PLXNA4: variants seen among roughly 807,000 people sequenced by gnomAD.
The protein encoded by PLXNA4 is plexin-A4.
A neutral mutation model predicts 191.8 loss-of-function variants in PLXNA4; 44 were observed. The ratio of observed to expected loss-of-function variants is 0.23; its 90% CI spans 0.18 to 0.29. The LOEUF (loss-of-function observed/expected upper bound fraction) is 0.29. Among genes scored for constraint, PLXNA4 ranks in the 10% least tolerant of loss-of-function variants. The pLI is 1.00. For missense variants in PLXNA4, 1,800 were observed against 2,488.8 expected (o/e 0.72, Z 5.89); for synonymous variants, 1,082 against 1,009.5 (o/e 1.07, Z -1.36).
At chr7:132,288,789 A>G (rs1251085823) in intron 4 of PLXNA4, among the ~76,000 whole-genome samples, 1 of 152,162 alleles carries the variant, frequency 6.6e-6, no homozygotes, top group Non-Finnish European at 1.5e-5. Flanking sequence ...ACTCATTTTC[A>G]CAGGAGCCCA....
At position 132,150,597 on chromosome 7, in the gene PLXNA4, A is replaced by C. The variant is rs995365800; in HGVS notation, c.4661-1951T>G. Among the ~76,000 whole-genome samples, 5 of 152,220 alleles carry C rather than the reference A, an allele frequency of 3.3e-5. No homozygotes were observed. The South Asian group carries it at 1.0e-3, about 32-fold the overall frequency. The stretch of plus-strand genomic sequence containing the variant: ...GGATGCAATGAACTCAGCTCTGGAC[A>C]CTAAGTCCTCTGGCTGGGCCCAAGG... On this transcript the variant is annotated intron_variant, in intron 25 of 31. Coordinates refer to ENST00000321063, the MANE Select transcript of PLXNA4 (RefSeq NM_020911.2).
rs143106838 is a variant in PLXNA4, at chr7:132,510,371, C to T, written c.-86-1592G>A. The stretch of plus-strand genomic sequence containing the variant: ...CATCCTAATGAAAAGCACAGGCCTT[C>T]TCCAGTCAATATCAGAGGAGGAAGA... On this transcript the variant is annotated intron_variant, in intron 1 of 31. Transcript: ENST00000321063. Among the ~76,000 whole-genome samples the T allele has an allele frequency of 1.8e-3, 274 of 152,350 alleles. 2 individuals are homozygous for T. In the Middle Eastern group the frequency reaches 0.024, roughly 13 times the overall value.
intron 22 of PLXNA4, among the ~76,000 whole-genome samples, chr7:132,165,717 T>TAAA (rs1796102081): frequency 4.3e-5 from 3 of 69,360 alleles, no homozygotes; most frequent in Admixed American, 1.2e-4. Context: ...TTCTTTTGGG[T>TAAA]GAAAAAAAAA....
At chr7:132,251,759 C>T (rs886743095) in intron 4 of PLXNA4, among the ~76,000 whole-genome samples, 43 of 152,212 alleles carry the variant, frequency 2.8e-4, no homozygotes, top group African/African-American at 9.7e-4. Context: ...TTTGCACACA[C>T]CTATGGGGGG....
intron 3 of PLXNA4, among the ~76,000 whole-genome samples, chr7:132,453,610 C>T (rs1038285448): frequency 2.0e-5 from 3 of 151,950 alleles, no homozygotes; most frequent in South Asian, 2.1e-4. Context: ...GGCGCAATCT[C>T]GGCTCACTGC....
intron 4 of PLXNA4, among the ~76,000 whole-genome samples, chr7:132,241,967 T>C (rs1246321511): frequency 6.6e-6 from 1 of 152,224 alleles, no homozygotes. Context: ...TGCTCTTAAA[T>C]ATCTTTTGAA....
chr7:132,528,751 C>T (rs1799508508), intron 1 of PLXNA4, among the ~76,000 whole-genome samples: 1 of 152,222 alleles, frequency 6.6e-6, no homozygotes, highest in Admixed American at 6.5e-5. Context: ...AATGGCTGAA[C>T]AGAGAGAAGG....
At chr7:132,159,091 A>G (rs1369813381) in intron 25 of PLXNA4, among the ~76,000 whole-genome samples, 1 of 152,192 alleles carries the variant, frequency 6.6e-6, no homozygotes, top group African/African-American at 2.4e-5. Flanking sequence ...AGGCGGTGGC[A>G]GGACCTTGGG....
intron 4 of PLXNA4, among the ~76,000 whole-genome samples, chr7:132,256,867 G>A (rs1016587965): frequency 6.6e-6 from 1 of 152,162 alleles, no homozygotes; most frequent in Non-Finnish European, 1.5e-5. Flanking sequence ...CAGGTGGAAG[G>A]CTATGGGGGC....
chr7:132,166,367 T>TTTTTTTTTTTTTTTTTTTTTG (rs1796122855), intron 22 of PLXNA4, among the ~76,000 whole-genome samples: 4 of 132,922 alleles, frequency 3.0e-5, no homozygotes, highest in Non-Finnish European at 5.3e-5. Context: ...TCTACTCTTT[T>TTTTTTTTTTTTTTTTTTTTTG]ACTTTGGAAG....
chr7:132,155,451 G>A (rs1160448331), intron 25 of PLXNA4, among the ~76,000 whole-genome samples: 1 of 152,204 alleles, frequency 6.6e-6, no homozygotes, highest in Non-Finnish European at 1.5e-5. Flanking sequence ...AAGAAGTGGG[G>A]AACATCTCCT....
At chr7:132,621,480 C>T (rs1803266390) in intron 2 of PLXNA4, among the ~76,000 whole-genome samples, 1 of 152,030 alleles carries the variant, frequency 6.6e-6, no homozygotes, top group Non-Finnish European at 1.5e-5. Flanking sequence ...AGGATGGTCT[C>T]CATCTTTTGA....
chr7:132,580,775 T>C (rs1294877828), upstream of PLXNA4, among the ~76,000 whole-genome samples: 2 of 152,236 alleles, frequency 1.3e-5, no homozygotes, highest in Non-Finnish European at 2.9e-5. Flanking sequence ...CACCAGAGCC[T>C]GGTGGTGCTA....
At chr7:132,244,436 C>T (rs1798980782) in intron 4 of PLXNA4, among the ~76,000 whole-genome samples, 1 of 152,240 alleles carries the variant, frequency 6.6e-6, no homozygotes, top group Non-Finnish European at 1.5e-5. Context: ...AACAACCCAA[C>T]TGCCTGTAGT....
intron 3 of PLXNA4, among the ~76,000 whole-genome samples, chr7:132,368,469 A>G (rs1804285615): frequency 6.6e-6 from 1 of 152,112 alleles, no homozygotes; most frequent in African/African-American, 2.4e-5. Flanking sequence ...TCTGAGCCTA[A>G]GCCCAGCTGG....
chr7:132,491,296 G>T (rs1362088388), intron 2 of PLXNA4, among the ~76,000 whole-genome samples: 26 of 152,202 alleles, frequency 1.7e-4, no homozygotes, highest in Admixed American at 1.7e-3. Flanking sequence ...AGGGCATCTG[G>T]AGAACAGCAG....
intron 31 of PLXNA4, among the ~76,000 whole-genome samples, chr7:132,132,816 G>T (rs1795008558): frequency 6.6e-6 from 1 of 152,120 alleles, no homozygotes; most frequent in Admixed American, 6.5e-5. Flanking sequence ...CAATATAAAA[G>T]AAACAGGTAC....
intron 8 of PLXNA4, among the ~76,000 whole-genome samples, chr7:132,225,187 C>G (rs1342893713): frequency 3.3e-5 from 5 of 152,164 alleles, no homozygotes; most frequent in Non-Finnish European, 4.4e-5. Context: ...CTGGTCCAAC[C>G]CCATTATTTG....
chr7:132,193,522 G>T (rs1344175561), intron 14 of PLXNA4, among the ~76,000 whole-genome samples: 3 of 152,228 alleles, frequency 2.0e-5, no homozygotes, highest in African/African-American at 4.8e-5. Context: ...GGACAGGCCA[G>T]AAAATGGAAG....
Sources: allele counts gnomAD v4.1 joint callset (sites outside exome capture counted in the v4.1 genomes callset), GRCh38; gene constraint gnomAD v4.1.1; transcripts MANE v1.5; gene names NCBI Gene and HGNC (gene_info 2026-07-23, HGNC 2026-07-21).